The following GAS2 variants were observed in gnomAD, a reference collection of about 807,000 sequenced individuals.
GAS2 encodes the protein growth arrest specific 2, also known as growth arrest-specific protein 2.
A neutral mutation model predicts 37.5 loss-of-function variants in GAS2; 20 were observed. The observed-to-expected ratio is 0.53, with a 90% CI of 0.37 to 0.77. GAS2 has a LOEUF of 0.77. Ranked by LOEUF, GAS2 falls within the 30% of genes least tolerant of loss-of-function variation. The probability of loss-of-function intolerance (pLI) is 0.00; values close to 1 mark genes in which losing one functional copy is unlikely to be tolerated. For synonymous variants in GAS2, 144 were observed against 132.2 expected (o/e 1.09, Z -0.61); for missense variants, 336 against 373.4 (o/e 0.90, Z 0.82).
chr11:22,743,737 A>G (rs940438946), intron 5 of GAS2, among the ~76,000 whole-genome samples: 1 of 152,024 alleles, frequency 6.6e-6, no homozygotes, highest in Admixed American at 6.6e-5. Context: ...TATAAAGGAA[A>G]TAGAAGAATA....
At chr11:22,718,164 C>T (rs931589950) in intron 3 of GAS2, among the ~76,000 whole-genome samples, 1 of 152,062 alleles carries the variant, frequency 6.6e-6, no homozygotes, top group African/African-American at 2.4e-5. Flanking sequence ...AAGACACTTA[C>T]ACACGCATGT....
intron 1 of GAS2, among the ~76,000 whole-genome samples, chr11:22,671,685 A>G (rs947950327): frequency 4.6e-5 from 7 of 152,148 alleles, no homozygotes; most frequent in Admixed American, 2.0e-4. Context: ...GATGTAATTC[A>G]TCTGATCCAT....
intron 3 of GAS2, among the ~76,000 whole-genome samples, chr11:22,706,538 T>C (rs1851131895): frequency 6.6e-6 from 1 of 150,628 alleles, no homozygotes; most frequent in African/African-American, 2.4e-5. Context: ...CCTGTGTCCA[T>C]GTGATCTCAT....
chr11:22,636,206 T>C (rs1262182368), intron 1 of GAS2, among the ~76,000 whole-genome samples: 3 of 152,202 alleles, frequency 2.0e-5, no homozygotes, highest in Non-Finnish European at 4.4e-5. Context: ...TTTGTCTTTC[T>C]AAGTGGGAGA....
chr11:22,755,106 C>T (rs1345421736), intron 6 of GAS2, among the ~76,000 whole-genome samples: 2 of 152,148 alleles, frequency 1.3e-5, no homozygotes, highest in Admixed American at 6.6e-5. Context: ...GTAATCACAA[C>T]TATTCATAAG....
At chr11:22,697,556 C>T (rs949312165) in intron 3 of GAS2, among the ~76,000 whole-genome samples, 8 of 152,250 alleles carry the variant, frequency 5.3e-5, no homozygotes, top group Admixed American at 2.6e-4. Context: ...TTTCACGATA[C>T]TGATTGTTCC....
chr11:22,751,251 C>T (rs1853710438), intron 6 of GAS2, among the ~76,000 whole-genome samples: 1 of 151,980 alleles, frequency 6.6e-6, no homozygotes, highest in Non-Finnish European at 1.5e-5. Context: ...TCTCACTATA[C>T]TTCTGCCTAC....
chr11:22,794,999 AC>A (rs1290150077), intron 7 of GAS2, among the ~76,000 whole-genome samples: 5 of 152,210 alleles, frequency 3.3e-5, no homozygotes, highest in Admixed American at 3.3e-4. Flanking sequence ...TATTTATTCA[AC>A]ATCTATTATG....
At chr11:22,626,224 A>T (rs998567157) in intron 1 of GAS2, 12 of 240,022 alleles carry the variant, frequency 5.0e-5, no homozygotes, top group African/African-American at 2.5e-4. Flanking sequence ...TGACGTGAGG[A>T]AACGCTCTTA....
At chr11:22,755,565 T>C (rs1853983796) in intron 6 of GAS2, 2 of 263,358 alleles carry the variant, frequency 7.6e-6, no homozygotes, top group South Asian at 1.4e-4. Context: ...TGATTATGTA[T>C]AGTCTATAAT....
chr11:22,713,496 C>T (rs1851513631), intron 3 of GAS2, among the ~76,000 whole-genome samples: 1 of 152,094 alleles, frequency 6.6e-6, no homozygotes, highest in Non-Finnish European at 1.5e-5. Context: ...ATACAAGAAG[C>T]TCTAAAGAAT....
In GAS2 at chr11:22,734,267, C is replaced by T. The variant is rs1852629473; in HGVS notation, c.410-3438C>T. 2.0e-5 allele frequency among the ~76,000 whole-genome samples: 3 copies of T among 151,672 alleles called. No individual in the cohort carries two copies. In the South Asian group the frequency reaches 6.2e-4, roughly 31 times the overall value. ...TCAAAAACTGACATATGTCCTAATG[C>T]AATTGTTACTTGAACTTTGTACTTA... On this transcript the variant is annotated intron_variant, in intron 4 of 7. Transcript: ENST00000454584.
chr11:22,723,077 C>T (rs1852023569), intron 3 of GAS2, among the ~76,000 whole-genome samples: 2 of 151,720 alleles, frequency 1.3e-5, no homozygotes, highest in Non-Finnish European at 2.9e-5. Flanking sequence ...TAAAAAAATC[C>T]TCAAATAAAA....
intron 3 of GAS2, among the ~76,000 whole-genome samples, chr11:22,697,203 C>T (rs1005092215): frequency 1.3e-5 from 2 of 152,008 alleles, no homozygotes; most frequent in African/African-American, 2.4e-5. Flanking sequence ...AATAGGGAAT[C>T]CTTTCCCCAT....
At position 22,685,643 on chromosome 11, in the gene GAS2, A is replaced by G. The variant is rs772589573; in HGVS notation, c.146-25A>G. The G allele has an allele frequency of 2.7e-5, 44 of 1,603,816 alleles. No homozygotes were observed. The Admixed American group carries it at 6.3e-4, about 23-fold the overall frequency. ...GAATCTGACATTTGATTTTCCTTTT[A>G]TAATGCTTCTTTTTGTTATTTCAGG... is the stretch of plus-strand genomic sequence containing the variant. On this transcript the variant is annotated intron_variant, in intron 2 of 7. Transcript: ENST00000454584.
intron 4 of GAS2, among the ~76,000 whole-genome samples, chr11:22,731,013 A>G (rs1160189399): frequency 3.3e-5 from 5 of 151,826 alleles, no homozygotes; most frequent in Non-Finnish European, 5.9e-5. Context: ...CAAGCTTAAA[A>G]AGAGTTTTCA....
At chr11:22,786,231 A>AT (rs1590129361) in intron 7 of GAS2, among the ~76,000 whole-genome samples, 1 of 152,150 alleles carries the variant, frequency 6.6e-6, no homozygotes, top group Non-Finnish European at 1.5e-5. Context: ...CATGAGTTGG[A>AT]TAAAAAAAAA....
intron 2 of GAS2, among the ~76,000 whole-genome samples, chr11:22,679,043 A>G (rs1849559261): frequency 6.6e-6 from 1 of 152,102 alleles, no homozygotes; most frequent in South Asian, 2.1e-4. Flanking sequence ...GGTTAATAGT[A>G]GCTGGGATTT....
chr11:22,681,612 G>A (rs987049560), intron 2 of GAS2, among the ~76,000 whole-genome samples: 1 of 152,108 alleles, frequency 6.6e-6, no homozygotes, highest in Admixed American at 6.5e-5. Context: ...GAAATGCTGA[G>A]GTTAGGGAAG....
Sources: gnomAD v4.1 joint callset for allele counts (sites outside exome capture counted in the v4.1 genomes callset) on GRCh38, gnomAD v4.1.1 for gene constraint, MANE v1.5 for transcripts, NCBI Gene and HGNC (gene_info 2026-07-23, HGNC 2026-07-21) for gene names.